The following CAMK1 variants were observed in gnomAD, a reference collection of about 807,000 sequenced individuals.
CAMK1 encodes calcium/calmodulin-dependent protein kinase type 1.
Under a neutral mutation model 49.1 loss-of-function variants are expected in CAMK1, and 39 were observed. The ratio of observed to expected loss-of-function variants is 0.79; its 90% CI spans 0.62 to 1.04. The LOEUF is 1.04. Ranked by LOEUF, CAMK1 falls within the 50% of genes least tolerant of loss-of-function variation. CAMK1 has a pLI of 0.00. For synonymous variants in CAMK1, 192 were observed against 185.2 expected, an observed-to-expected ratio of 1.04 and a Z score of -0.30; for missense variants, 457 against 472.2, an observed-to-expected ratio of 0.97 and a Z score of 0.30.
At position 9,757,791 on chromosome 3, in the gene CAMK1, G is replaced by C; in HGVS notation, c.968C>G (p.Thr323Ser). 2 of 1,613,918 alleles carry C rather than the reference G, an allele frequency of 1.2e-6. No homozygotes were observed. The highest frequency in any genetic ancestry group is 1.7e-6 in the Non-Finnish European group (2 of 1,179,856). Residue 323 changes from threonine to serine, a missense_variant, in exon 11 of 12, where the codon ACC becomes AGC. Coordinates refer to ENST00000256460, the MANE Select transcript of CAMK1 (RefSeq NM_003656.5). The surrounding 1 kb of genome is among the most constrained non-coding windows in gnomAD (Gnocchi z 4.5). ...CGTCTGCCCCTGCCCCTCCTGGCTG[G>C]TGCCCAGCTGCAGTTTCCTCATGTG... ...VRHMRKLQLG[T>S]SQEGQGQTAS...
chr3:9,759,545 A>G lies in CAMK1; in HGVS notation c.855T>C (p.Asn285=). 6.2e-7 allele frequency: 1 copy of G among 1,614,090 alleles called. No homozygotes were observed. Among genetic ancestry groups the G allele is most frequent in the Non-Finnish European group, 8.5e-7 (1 of 1,180,012 alleles). The change falls in exon 10 of 12, where the codon AAT becomes AAC. Residue 285 remains asparagine (N), a synonymous_variant. Coordinates refer to ENST00000256460, the MANE Select transcript of CAMK1 (RefSeq NM_003656.5). ...WIAGDTALDK[N]IHQSVSEQIK... is the part of the protein sequence containing the mutation. ...TCTGCTCACTCACCGACTGGTGGAT[A>G]TTCTTATCTAGAGCTGTATCTCCTG... is the stretch of plus-strand genomic sequence containing the variant.
rs758924058 is a variant in CAMK1 at position 9,765,757 on chromosome 3, A to G, written c.215+2T>C. ...GGCAGGGAAAGGCTGTGGCCCACGC[A>G]CTTGTGCAGGACAGCAATCTCATTC... is the stretch of plus-strand genomic sequence containing the variant. On this transcript the variant is annotated splice_donor_variant, in intron 3 of 11. Coordinates refer to ENST00000256460, the MANE Select transcript of CAMK1 (RefSeq NM_003656.5). LOFTEE classifies it high-confidence loss of function. 1.2e-6 allele frequency: 2 copies of G among 1,613,922 alleles called. No individual in the cohort carries two copies. The highest frequency in any genetic ancestry group is 8.5e-7 in the Non-Finnish European group (1 of 1,179,952).
Position 9,768,239 on chromosome 3 carries a change from G to A in CAMK1, c.-32-458C>T, listed in dbSNP as rs367979776. On this transcript the variant is annotated intron_variant, in intron 1 of 11. Transcript: ENST00000256460. The stretch of plus-strand genomic sequence containing the variant: ...CTTCCCCCGACTCCCCGGCCTCTCC[G>A]AAATCAGGTTTCCAGCAGCCTGGGC... Among the ~76,000 whole-genome samples, 151 of 152,262 alleles carry A rather than the reference G, an allele frequency of 9.9e-4. 2 individuals are homozygous for A. The South Asian group carries it at 0.029, about 30-fold the overall frequency.
chr3:9,759,503 G>C lies in CAMK1; in HGVS notation c.897C>G (p.Ala299=). 6.2e-7 allele frequency: 1 copy of C among 1,614,148 alleles called. No homozygotes were observed. Among genetic ancestry groups the C allele is most frequent in the Non-Finnish European group, 8.5e-7 (1 of 1,180,016 alleles). Residue 299 remains alanine, a synonymous_variant, in exon 10 of 12, where the codon GCC becomes GCG. Coordinates refer to ENST00000256460, the MANE Select transcript of CAMK1 (RefSeq NM_003656.5). ...SVSEQIKKNF[A]KSKWKQAFNA... ...ATGGACTCACCTTCCACTTGCTCTT[G>C]GCAAAGTTCTTCTTGATCTGCTCAC...
At chr3:9,762,870 C>T in intron 5 of CAMK1, 44 bp downstream of exon 5, 1 of 1,602,690 alleles carries the variant, frequency 6.2e-7, no homozygotes, top group Non-Finnish European at 8.5e-7. Flanking sequence ...TGCAAAGGCC[C>T]CACCCCTGGG....
intron 3 of CAMK1, 59 bp downstream of exon 3, chr3:9,765,700 A>G: frequency 6.4e-7 from 1 of 1,574,556 alleles, no homozygotes; most frequent in Non-Finnish European, 8.7e-7. Flanking sequence ...GGAAAGGAGG[A>G]GGATGGGAGG....
intron 5 of CAMK1, 50 bp from the exon 6 acceptor site, chr3:9,761,807 T>C: frequency 6.2e-7 from 1 of 1,603,120 alleles, no homozygotes; most frequent in Non-Finnish European, 8.5e-7. Context: ...GGTTAGAGGC[T>C]GGTAGAACCT....
At chr3:9,761,863 C>G in intron 5 of CAMK1, 106 bp from the exon 6 acceptor site, 3 of 1,488,860 alleles carry the variant, frequency 2.0e-6, no homozygotes, top group South Asian at 1.4e-5. Flanking sequence ...TCCCCAAAAG[C>G]CACTGTGGCT....
chr3:9,760,786 CAT>C lies in CAMK1; in HGVS notation c.633-20_633-19del. ...CGCAGAGCCTGGGCAGGGAGAAACT[CAT>C]CCTCATTTCCACTTTCGGGTGCCGT... On this transcript the variant is annotated intron_variant, in intron 7 of 11. Transcript: ENST00000256460. The C allele has an allele frequency of 6.2e-7, 1 of 1,613,764 alleles. No individual in the cohort carries two copies. The highest frequency in any genetic ancestry group is 1.1e-5 in the South Asian group (1 of 91,048).
rs774836718 is a variant in CAMK1, at chr3:9,759,585, G to A, written c.825-10C>T. ...TGTATCTCCTGCAATCCTAGGATGG[G>A]GTTATGTGGTGGGTTGCCTATGAGG... On this transcript the variant is annotated splice_polypyrimidine_tract_variant and intron_variant, in intron 9 of 11. Coordinates refer to ENST00000256460, the MANE Select transcript of CAMK1 (RefSeq NM_003656.5). 6.2e-7 allele frequency: 1 copy of A among 1,614,056 alleles called. No individual in the cohort carries two copies. Among genetic ancestry groups the A allele is most frequent in the African/African-American group, 1.3e-5 (1 of 74,916 alleles).
At chr3:9,758,366 C>T (rs971021973) in intron 10 of CAMK1, 3 of 155,536 alleles carry the variant, frequency 1.9e-5, no homozygotes, top group Non-Finnish European at 4.3e-5. Context: ...TGATAACCAT[C>T]TCAGTCATGG....
intron 10 of CAMK1, chr3:9,759,125 C>T: frequency 7.3e-7 from 1 of 1,373,464 alleles, no homozygotes; most frequent in Non-Finnish European, 1.0e-6. Flanking sequence ...AGCACTTGCA[C>T]TTCCCGGAAT....
rs544213944 is a variant in CAMK1, at chr3:9,765,854, C to T, written c.120G>A (p.Lys40=). 1.2e-6 allele frequency: 2 copies of T among 1,614,058 alleles called. No homozygotes were observed. The highest frequency in any genetic ancestry group is 2.7e-5 in the African/African-American group (2 of 75,056). ...TGATGGCCACCAGCTTCTGCGTCCTCTTATCTTCTGCCAGGATCACCTCCG... is the reference window on the plus strand; with the variant it reads ...TGATGGCCACCAGCTTCTGCGTCCTTTTATCTTCTGCCAGGATCACCTCCG... ...AFSEVILAED[K]RTQKLVAIKC... The change falls in exon 3 of 12, where the codon AAG becomes AAA. Residue 40 remains lysine (K), a synonymous_variant. Transcript: ENST00000256460.
intron 7 of CAMK1, 120 bp downstream of exon 7, chr3:9,761,341 T>C (rs2077859235): frequency 1.0e-6 from 1 of 984,702 alleles, no homozygotes; most frequent in Admixed American, 2.6e-5. Flanking sequence ...AATTGATTGG[T>C]GGAAGGAAGG....
intron 7 of CAMK1, chr3:9,761,221 G>T: frequency 2.2e-6 from 1 of 457,374 alleles, no homozygotes. Context: ...AAGAAAGTCA[G>T]CTCCCTGAGG....
chr3:9,761,889 G>A, intron 5 of CAMK1, 132 bp from the exon 6 acceptor site: 1 of 1,393,144 alleles, frequency 7.2e-7, no homozygotes, highest in Non-Finnish European at 9.5e-7. Context: ...GCTGTCATAA[G>A]AAAATCAAGG....
Position 9,757,741 on chromosome 3 carries a change from G to A in CAMK1, c.1018C>T (p.Pro340Ser), listed in dbSNP as rs2077652482. ...GCCCGCTCCTCACCCCCAGCCACTGGTGTCAGCAGCTCCCCATGGCTCGCC... is the reference window on the plus strand; with the variant it reads ...GCCCGCTCCTCACCCCCAGCCACTGATGTCAGCAGCTCCCCATGGCTCGCC... The part of the protein sequence containing the change: ...QTASHGELLT[P>S]VAGGPAAGCC... The change falls in exon 11 of 12, where the codon CCA becomes TCA. Residue 340 changes from proline to serine, a missense_variant. Physicochemically the swap from Pro to Ser is moderately conservative, Grantham distance 74 (BLOSUM62 -1). Coordinates refer to ENST00000256460, the MANE Select transcript of CAMK1 (RefSeq NM_003656.5). The surrounding 1 kb of genome is among the most constrained non-coding windows in gnomAD (Gnocchi z 4.5). The A allele has an allele frequency of 6.2e-7, 1 of 1,614,178 alleles. No individual in the cohort carries two copies. The highest frequency in any genetic ancestry group is 8.5e-7 in the Non-Finnish European group (1 of 1,180,020).
chr3:9,758,032 G>A (rs926582042), intron 10 of CAMK1, 186 bp from the exon 11 acceptor site: 19 of 801,216 alleles, frequency 2.4e-5, no homozygotes, highest in South Asian at 6.1e-5. Flanking sequence ...ACACACACAC[G>A]CACATATGTT....
At position 9,761,674 on chromosome 3, in the gene CAMK1, C is replaced by T. The variant is rs746152391; in HGVS notation, c.513G>A (p.Pro171=). 7.4e-6 allele frequency: 12 copies of T among 1,614,136 alleles called. No homozygotes were observed. The highest frequency in any genetic ancestry group is 1.6e-4 in the Middle Eastern group (1 of 6,062). ...SDFGLSKMED[P]GSVLSTACGT... is the part of the protein sequence containing the mutation. Reference sequence around the variant, plus strand: ...CACAGGCGGTGGAGAGCACACTGCCCGGGTCCTCCATCTTGGAGAGGCCAA... The same window carrying T: ...CACAGGCGGTGGAGAGCACACTGCCTGGGTCCTCCATCTTGGAGAGGCCAA... Residue 171 remains proline, a synonymous_variant, in exon 6 of 12, where the codon CCG becomes CCA. Coordinates refer to ENST00000256460, the MANE Select transcript of CAMK1 (RefSeq NM_003656.5).
Sources: gnomAD v4.1 joint callset for allele counts (sites outside exome capture counted in the v4.1 genomes callset) on GRCh38, gnomAD v4.1.1 for gene constraint, Gnocchi (gnomAD v3.1) non-coding constraint, MANE v1.5 for transcripts, NCBI Gene and HGNC (gene_info 2026-07-23, HGNC 2026-07-21) for gene names.